The following MBD5 variants were observed in gnomAD, a reference collection of about 807,000 sequenced individuals.
The protein encoded by MBD5 is methyl-CpG-binding domain protein 5.
MBD5 carries 13 observed loss-of-function variants against 117.3 expected under a neutral mutation model. That is an observed-to-expected ratio of 0.11 (90% CI 0.07 to 0.18). The LOEUF (loss-of-function observed/expected upper bound fraction) is 0.18, where lower values mean the gene tolerates loss of function less well. MBD5 is among the 10% of genes least tolerant of loss of function. The pLI is 1.00. For missense variants in MBD5, 1,879 were observed against 2,093.8 expected (o/e 0.90, Z 2.00); for synonymous variants, 727 against 766.4 (o/e 0.95, Z 0.85).
intron 4 of MBD5, among the ~76,000 whole-genome samples, chr2:148,356,928 G>A (rs997782407): frequency 3.3e-5 from 5 of 151,674 alleles, no homozygotes; most frequent in South Asian, 2.1e-4. Flanking sequence ...GTGATGAAGC[G>A]TATCCCTTAG....
intron 1 of MBD5, among the ~76,000 whole-genome samples, chr2:148,132,353 C>CATAT (rs778979879): frequency 1.3e-3 from 185 of 142,582 alleles, no homozygotes; most frequent in East Asian, 3.1e-3. Context: ...TATATATACA[C>CATAT]ATATATATAT....
At chr2:148,269,837 C>A (rs1700942846) in intron 3 of MBD5, among the ~76,000 whole-genome samples, 1 of 151,714 alleles carries the variant, frequency 6.6e-6, no homozygotes, top group Non-Finnish European at 1.5e-5. Flanking sequence ...AGTTGAATGT[C>A]AACCCTTTAG....
chr2:148,464,003 A>C, intron 7 of MBD5, 84 bp downstream of exon 7: 2 of 1,426,838 alleles, frequency 1.4e-6, no homozygotes, highest in Non-Finnish European at 1.9e-6. Context: ...GCATTTTCTC[A>C]TTCTACTTTT....
chr2:148,225,426 G>C (rs1699796671), intron 2 of MBD5, among the ~76,000 whole-genome samples: 1 of 151,594 alleles, frequency 6.6e-6, no homozygotes, highest in South Asian at 2.1e-4. Context: ...AACTTGTTAT[G>C]GTTATTTTTT....
intron 3 of MBD5, among the ~76,000 whole-genome samples, chr2:148,325,471 CTT>C (rs1400696617): frequency 6.6e-6 from 1 of 152,116 alleles, no homozygotes; most frequent in East Asian, 1.9e-4. Context: ...GTCCTGGACT[CTT>C]TTTCGTTGGT....
chr2:148,174,936 C>T (rs1415788443), intron 1 of MBD5, among the ~76,000 whole-genome samples: 1 of 152,104 alleles, frequency 6.6e-6, no homozygotes, highest in Admixed American at 6.5e-5. Flanking sequence ...CCAGCAATCC[C>T]ATTTCTGGAT....
chr2:148,216,752 A>G (rs1295378134), intron 2 of MBD5, among the ~76,000 whole-genome samples: 1 of 152,064 alleles, frequency 6.6e-6, no homozygotes, highest in Non-Finnish European at 1.5e-5. Context: ...TCTGTCCCCA[A>G]TTCTGGGTTC....
In MBD5 at chr2:148,462,585, C is replaced by G; in HGVS notation, c.117C>G (p.Pro39=). The G allele has an allele frequency of 1.9e-6, 3 of 1,588,222 alleles. No homozygotes were observed. Among genetic ancestry groups the G allele is most frequent in the Non-Finnish European group, 2.6e-6 (3 of 1,157,132 alleles). ...VDQNGVLYVS[P]SGSLLSCLEQ... ...TTTTTTTAAACTATTTTTACAGTCC[C>G]AGTGGGTCTTTGTTATCTTGCTTGG... The change falls in exon 6 of 14, where the codon CCC becomes CCG. Residue 39 remains proline (P), a synonymous_variant. Transcript: ENST00000642680.
At position 148,516,121 on chromosome 2, in the gene MBD5, G is replaced by T. The variant is rs1682339232; in HGVS notation, c.*3180G>T. On this transcript the variant is annotated 3_prime_UTR_variant, in exon 14 of 14. Coordinates refer to ENST00000642680, the MANE Select transcript of MBD5 (RefSeq NM_001378120.1). ...TGCAGAATTGCAGGAAGAGAAAAGG[G>T]CAGTTAGTTATTTCACTTTCTGTAA... 1 of 152,142 alleles carries T rather than the reference G, an allele frequency of 6.6e-6. No individual in the cohort carries two copies. Among genetic ancestry groups the T allele is most frequent in the Non-Finnish European group, 1.5e-5 (1 of 68,018 alleles). The allele number at this position is 152,142 out of a possible 1,614,324, so 9.4% of individuals were successfully genotyped here. A position where few individuals can be genotyped will look rare whatever the true frequency, so the allele number is the denominator to read the frequency against.
intron 1 of MBD5, among the ~76,000 whole-genome samples, chr2:148,034,187 C>T (rs1233472265): frequency 6.6e-6 from 1 of 152,038 alleles, no homozygotes; most frequent in Non-Finnish European, 1.5e-5. Flanking sequence ...ACAGTAAGAC[C>T]CTGTCTCAAA....
Position 148,329,603 on chromosome 2 carries a change from G to A in MBD5, c.-679-12611G>A, listed in dbSNP as rs1310430839. On this transcript the variant is annotated intron_variant, in intron 3 of 13. Transcript: ENST00000642680. ...TCATAAGGGTTCAAATAGGTTTATG[G>A]AGCATAAATATCACAGGGCAAAAAT... Among the ~76,000 whole-genome samples, 4 of 152,168 alleles carry A rather than the reference G, an allele frequency of 2.6e-5. No homozygotes were observed. The South Asian group carries it at 8.3e-4, about 32-fold the overall frequency.
intron 1 of MBD5, among the ~76,000 whole-genome samples, chr2:148,035,279 TTAGTAA>T (rs552563948): frequency 4.1e-4 from 63 of 152,270 alleles, no homozygotes; most frequent in African/African-American, 1.4e-3. Context: ...GGGTGCACTA[TTAGTAA>T]TAGTAGAAGG....
chr2:148,312,161 T>C (rs921100722), intron 3 of MBD5, among the ~76,000 whole-genome samples: 6 of 152,154 alleles, frequency 3.9e-5, no homozygotes, highest in African/African-American at 1.4e-4. Context: ...ATCTTTGTGG[T>C]GTTCTCTGTA....
chr2:148,182,058 TG>T (rs1322525109), intron 2 of MBD5, among the ~76,000 whole-genome samples: 1 of 152,104 alleles, frequency 6.6e-6, no homozygotes, highest in Non-Finnish European at 1.5e-5. Flanking sequence ...TATCTTTTTT[TG>T]TTAGTTCCTC....
At chr2:148,265,833 A>T (rs2106321324) in intron 3 of MBD5, among the ~76,000 whole-genome samples, 1 of 152,228 alleles carries the variant, frequency 6.6e-6, no homozygotes, top group South Asian at 2.1e-4. Flanking sequence ...CACAGACCTC[A>T]TTTCTGGAGA....
chr2:148,416,630 A>G (rs904855855), intron 4 of MBD5, among the ~76,000 whole-genome samples: 4 of 151,918 alleles, frequency 2.6e-5, no homozygotes, highest in African/African-American at 7.3e-5. Flanking sequence ...ATTTTTTTTT[A>G]TATCAATAGC....
intron 3 of MBD5, among the ~76,000 whole-genome samples, chr2:148,266,237 CT>C (rs887344676): frequency 6.6e-6 from 1 of 151,994 alleles, no homozygotes; most frequent in African/African-American, 2.4e-5. Flanking sequence ...CAATGTTTTT[CT>C]TTTTAAAAAT....
chr2:148,234,245 A>C (rs1431855616), intron 3 of MBD5, among the ~76,000 whole-genome samples: 1 of 152,200 alleles, frequency 6.6e-6, no homozygotes, highest in Non-Finnish European at 1.5e-5. Flanking sequence ...TTTCATACAA[A>C]GAAACTATAT....
At chr2:148,365,392 A>T (rs1292055280) in intron 4 of MBD5, among the ~76,000 whole-genome samples, 2 of 152,218 alleles carry the variant, frequency 1.3e-5, no homozygotes, top group Non-Finnish European at 2.9e-5. Flanking sequence ...AGCAGGAAAG[A>T]TCTAAAACCG....
Sources: allele counts gnomAD v4.1 joint callset (sites outside exome capture counted in the v4.1 genomes callset), GRCh38; gene constraint gnomAD v4.1.1; transcripts MANE v1.5; gene names NCBI Gene and HGNC (gene_info 2026-07-23, HGNC 2026-07-21).